Variants in BTLA observed in about 807,000 individuals in gnomAD.
BTLA encodes the protein B and T lymphocyte associated.
In BTLA, 11 loss-of-function variants were observed where a neutral mutation model predicts 25.0. The ratio of observed to expected loss-of-function variants is 0.44; its 90% CI spans 0.28 to 0.73. BTLA has a LOEUF of 0.73. Ranked by LOEUF, BTLA falls within the 30% of genes least tolerant of loss-of-function variation. The pLI is 0.15. For synonymous variants in BTLA, 104 were observed against 119.8 expected (o/e 0.87, Z 0.86); for missense variants, 282 against 332.8 (o/e 0.85, Z 1.19).
chr3:112,494,003 G>C (rs1413234031), intron 1 of BTLA, among the ~76,000 whole-genome samples: 3 of 152,156 alleles, frequency 2.0e-5, no homozygotes, highest in African/African-American at 7.2e-5. Context: ...CCAGCTACTC[G>C]GGAGGCTGAG....
intron 1 of BTLA, among the ~76,000 whole-genome samples, chr3:112,485,519 T>C (rs922651314): frequency 6.6e-6 from 1 of 152,218 alleles, no homozygotes; most frequent in African/African-American, 2.4e-5. Context: ...CAGTTGCTTT[T>C]GGCTGTTACT....
Position 112,479,440 on chromosome 3 carries a change from G to C in BTLA, c.403+15C>G. 6.3e-7 allele frequency: 1 copy of C among 1,592,518 alleles called. No individual in the cohort carries two copies. The highest frequency in any genetic ancestry group is 8.6e-7 in the Non-Finnish European group (1 of 1,165,956). ...ATAAGAAAAATATCAGATGGTCTAG[G>C]TGTTGAGAACTCACCTGTCACATAA... On this transcript the variant is annotated intron_variant, in intron 2 of 4. Transcript: ENST00000334529.
chr3:112,468,263 G>A lies in BTLA; in HGVS notation c.594+1495C>T, dbSNP rs544909094. On this transcript the variant is annotated intron_variant, in intron 4 of 4. Coordinates refer to ENST00000334529, the MANE Select transcript of BTLA (RefSeq NM_181780.4). ...AAGCACTTTATACCCTCAAAGGACC[G>A]TTTTGGATTAAGATCAGAGCTTTGG... 2.0e-4 allele frequency among the ~76,000 whole-genome samples: 31 copies of A among 152,314 alleles called. No homozygotes were observed. In the South Asian group the frequency reaches 2.5e-3, roughly 12 times the overall value.
intron 1 of BTLA, among the ~76,000 whole-genome samples, chr3:112,480,948 G>A (rs180941786): frequency 1.8e-4 from 28 of 152,252 alleles, no homozygotes; most frequent in African/African-American, 6.7e-4. Context: ...TTCAAGGCAC[G>A]ATTCATTATG....
rs770466356 is a variant in BTLA at position 112,479,597 on chromosome 3, T to A, written c.261A>T (p.Thr87=). The A allele has an allele frequency of 2.4e-5, 38 of 1,614,016 alleles. No individual in the cohort carries two copies. The South Asian group carries it at 4.0e-4, about 17-fold the overall frequency. The change falls in exon 2 of 5, where the codon ACA becomes ACT. Residue 87 remains threonine (T), a synonymous_variant. Coordinates refer to ENST00000334529, the MANE Select transcript of BTLA (RefSeq NM_181780.4). The part of the protein sequence containing the change: ...TTCVKLEDRQ[T]SWKEEKNISF... Reference sequence around the variant, plus strand: ...AAATGTTCTTCTCTTCCTTCCAACTTGTTTGTCTATCTTCAAGTTTTACAC... The same window carrying A: ...AAATGTTCTTCTCTTCCTTCCAACTAGTTTGTCTATCTTCAAGTTTTACAC...
chr3:112,485,609 G>T (rs2082342519), intron 1 of BTLA, among the ~76,000 whole-genome samples: 1 of 151,862 alleles, frequency 6.6e-6, no homozygotes, highest in Non-Finnish European at 1.5e-5. Flanking sequence ...TGTTGCCCAG[G>T]CTGGAGTGCA....
chr3:112,477,966 T>C (rs2082297893), intron 2 of BTLA, among the ~76,000 whole-genome samples: 1 of 151,960 alleles, frequency 6.6e-6, no homozygotes, highest in Non-Finnish European at 1.5e-5. Context: ...CTCAATTCTA[T>C]TTACATTGAT....
chr3:112,486,239 A>G (rs1412093162), intron 1 of BTLA, among the ~76,000 whole-genome samples: 2 of 152,246 alleles, frequency 1.3e-5, no homozygotes, highest in Non-Finnish European at 2.9e-5. Flanking sequence ...AATTTTTATC[A>G]AAACCACTAG....
intron 1 of BTLA, among the ~76,000 whole-genome samples, chr3:112,485,515 C>A (rs2082342125): frequency 6.6e-6 from 1 of 152,194 alleles, no homozygotes; most frequent in African/African-American, 2.4e-5. Flanking sequence ...ATCACAGTTG[C>A]TTTTGGCTGT....
intron 2 of BTLA, among the ~76,000 whole-genome samples, chr3:112,472,198 G>C (rs2107312439): frequency 6.6e-6 from 1 of 152,202 alleles, no homozygotes; most frequent in Non-Finnish European, 1.5e-5. Context: ...CACTATACAG[G>C]ATGCAACCCC....
intron 3 of BTLA, 167 bp from the exon 4 acceptor site, chr3:112,469,971 C>T: frequency 1.8e-6 from 1 of 545,044 alleles, no homozygotes; most frequent in Non-Finnish European, 3.3e-6. Context: ...TTCACACTGA[C>T]CAGCTCTCTC....
Position 112,473,611 on chromosome 3 carries a change from CT to C in BTLA, c.404-2257del, listed in dbSNP as rs777897332. On this transcript the variant is annotated intron_variant, in intron 2 of 4. Coordinates refer to ENST00000334529, the MANE Select transcript of BTLA (RefSeq NM_181780.4). ...TTGGGGAAGTTCTTTTTTTCTTCTTCTTTTTTTTTTTTTTTTTTTTTGAGAT... is the reference window on the plus strand; with the variant it reads ...TTGGGGAAGTTCTTTTTTTCTTCTTCTTTTTTTTTTTTTTTTTTTTGAGAT... Among the ~76,000 whole-genome samples the C allele has an allele frequency of 8.6e-3, 992 of 115,148 alleles. 19 individuals are homozygous for C. Among genetic ancestry groups the C allele is most frequent in the East Asian group, 0.066 (254 of 3,852 alleles). The allele number at this position is 115,148 out of a possible 152,430, so 75.5% of individuals were successfully genotyped here.
At chr3:112,496,411 G>A (rs994890306) in intron 1 of BTLA, among the ~76,000 whole-genome samples, 1 of 152,150 alleles carries the variant, frequency 6.6e-6, no homozygotes, top group African/African-American at 2.4e-5. Context: ...CAGGAAGTTT[G>A]TAGAGAACAT....
chr3:112,488,222 TTTTTTC>T (rs1419766042), intron 1 of BTLA, among the ~76,000 whole-genome samples: 1 of 45,002 alleles, frequency 2.2e-5, no homozygotes, highest in Admixed American at 3.7e-4. Flanking sequence ...TTCCGTTTTC[TTTTTTC>T]TTTTTTTTTT....
At chr3:112,466,442 A>G (rs967389716) in intron 4 of BTLA, 59 bp from the exon 5 acceptor site, 12 of 1,438,356 alleles carry the variant, frequency 8.3e-6, no homozygotes, top group Non-Finnish European at 1.1e-5. Context: ...GTGCATATTC[A>G]TTAGCAAACT....
intron 1 of BTLA, among the ~76,000 whole-genome samples, chr3:112,494,026 C>A (rs1316261879): frequency 6.6e-6 from 1 of 152,146 alleles, no homozygotes; most frequent in African/African-American, 2.4e-5. Flanking sequence ...AGGAGAATGG[C>A]ATGAGCCCGG....
At chr3:112,488,850 G>A (rs963871543) in intron 1 of BTLA, among the ~76,000 whole-genome samples, 7 of 151,940 alleles carry the variant, frequency 4.6e-5, no homozygotes, top group Admixed American at 4.6e-4. Context: ...CTGACCTTGT[G>A]ATCCACCCGC....
intron 4 of BTLA, 118 bp downstream of exon 4, chr3:112,469,640 T>TATATATAC (rs2082251151): frequency 5.4e-6 from 1 of 186,284 alleles, no homozygotes; most frequent in African/African-American, 3.0e-5. Flanking sequence ...TATATATATA[T>TATATATAC]ATATATATAG....
At chr3:112,486,543 A>G (rs1236398291) in intron 1 of BTLA, among the ~76,000 whole-genome samples, 4 of 152,236 alleles carry the variant, frequency 2.6e-5, no homozygotes, top group Non-Finnish European at 5.9e-5. Context: ...AAACAGTATG[A>G]ACTTTGATTC....
Sources: allele counts gnomAD v4.1 joint callset (sites outside exome capture counted in the v4.1 genomes callset), GRCh38; gene constraint gnomAD v4.1.1; transcripts MANE v1.5; gene names NCBI Gene and HGNC (gene_info 2026-07-23, HGNC 2026-07-21).